Variants in PCDHGB6 observed in about 807,000 individuals in gnomAD.
The protein encoded by PCDHGB6 is protocadherin gamma subfamily B, 6, also known as protocadherin gamma-B6.
PCDHGB6 carries 51 observed loss-of-function variants against 59.1 expected under a neutral mutation model. The observed-to-expected ratio is 0.86, with a 90% confidence interval of 0.69 to 1.09. The LOEUF is 1.09. PCDHGB6 is among the 50% of genes least tolerant of loss of function. PCDHGB6 has a pLI of 0.00. For missense variants in PCDHGB6, 1,148 were observed against 1,205.1 expected, an observed-to-expected ratio of 0.95 and a Z score of 0.70; for synonymous variants, 466 against 495.1, an observed-to-expected ratio of 0.94 and a Z score of 0.78.
Position 141,485,060 on chromosome 5 carries a change from G to T in PCDHGB6, c.2419-9747G>T. The T allele has an allele frequency of 1.2e-6, 1 of 862,304 alleles. No individual in the cohort carries two copies. 53.4% of individuals were successfully genotyped at this position (862,304 alleles called of 1,614,324 possible). ...ACCCTTGCGGCGCCGGCCGAACCGC[G>T]CCAGAGCTGGCGCGGGGAAAGGGAG... On this transcript the variant is annotated intron_variant, in intron 1 of 3. Coordinates refer to ENST00000520790, the MANE Select transcript of PCDHGB6 (RefSeq NM_018926.3). The surrounding 1 kb of genome is among the most constrained non-coding windows in gnomAD (Gnocchi z 5.7).
chr5:141,417,028 GTTT>G, intron 1 of PCDHGB6: 2 of 150,056 alleles, frequency 1.3e-5, no homozygotes, highest in East Asian at 3.9e-4. Flanking sequence ...AAAAATACAG[GTTT>G]TTTTTTTAAA....
At position 141,431,468 on chromosome 5, in the gene PCDHGB6, G is replaced by A. The variant is rs756718016; in HGVS notation, c.2418+20848G>A. ...CCGCGTGATGGTTCTGGATGCGAAC[G>A]ACAACGCACCAGCGTTTGCTCAGCC... On this transcript the variant is annotated intron_variant, in intron 1 of 3. Transcript: ENST00000520790. This position sits in a 1 kb window ranked among gnomAD's most constrained non-coding sequence, Gnocchi z 4.8. The A allele has an allele frequency of 3.7e-6, 6 of 1,613,804 alleles. No homozygotes were observed. In the Admixed American group the frequency reaches 8.3e-5, roughly 22 times the overall value.
chr5:141,413,390 C>G, intron 1 of PCDHGB6: 1 of 1,614,010 alleles, frequency 6.2e-7, no homozygotes, highest in Non-Finnish European at 8.5e-7. Context: ...CGCATAGTCT[C>G]CAGAGGTAGG....
In PCDHGB6 at chr5:141,512,517, A is replaced by G. The variant is rs985434754; in HGVS notation, c.*1344A>G. ...GTCCCCAGTGCGCCCCCTAGTGGCC[A>G]TAGCCTGGTTAAAGTTCCCCAGTGC... On this transcript the variant is annotated 3_prime_UTR_variant, in exon 4 of 4. Coordinates refer to ENST00000520790, the MANE Select transcript of PCDHGB6 (RefSeq NM_018926.3). 3 of 152,938 alleles carry G rather than the reference A, an allele frequency of 2.0e-5. No individual in the cohort carries two copies. Among genetic ancestry groups the G allele is most frequent in the African/African-American group, 7.2e-5 (3 of 41,464 alleles). 9.5% of individuals were successfully genotyped at this position (152,938 alleles called of 1,614,324 possible).
intron 1 of PCDHGB6, chr5:141,429,155 G>A (rs115622025): frequency 0.044 from 6,389 of 145,752 alleles, 216 homozygotes; most frequent in African/African-American, 0.099. Flanking sequence ...CACCCGGCCC[G>A]GAGACATTGT....
In PCDHGB6 at chr5:141,477,854, C is replaced by G; in HGVS notation, c.2419-16953C>G. 3.1e-6 allele frequency: 5 copies of G among 1,614,098 alleles called. No individual in the cohort carries two copies. Among genetic ancestry groups the G allele is most frequent in the Non-Finnish European group, 4.2e-6 (5 of 1,180,004 alleles). ...GCCAGGTGGGAGCTCGGTGGAGATG[C>G]TGCCTCGAGGTACCTCAGCTGGCCA... On this transcript the variant is annotated intron_variant, in intron 1 of 3. Transcript: ENST00000520790. This position sits in a 1 kb window ranked among gnomAD's most constrained non-coding sequence, Gnocchi z 4.9.
At chr5:141,444,659 C>G (rs2098443878) in intron 1 of PCDHGB6, among the ~76,000 whole-genome samples, 1 of 152,032 alleles carries the variant, frequency 6.6e-6, no homozygotes, top group African/African-American at 2.4e-5. Context: ...GAAGTTATTT[C>G]CCATTTTTTT....
rs2095194600 is a variant in PCDHGB6 at position 141,408,919 on chromosome 5, C to T, written c.717C>T (p.Pro239=). Residue 239 remains proline (P), a synonymous_variant, in exon 1 of 4, where the codon CCC becomes CCT. Transcript: ENST00000520790. ...EISVKDTNDN[P]PVFSRDEYRI... is the part of the protein sequence containing the mutation. The stretch of plus-strand genomic sequence containing the variant: ...CTGTCAAGGATACCAATGATAACCC[C>T]CCGGTTTTCAGCAGAGACGAATATA... 2.5e-6 allele frequency: 4 copies of T among 1,613,346 alleles called. No individual in the cohort carries two copies. The African/African-American group carries it at 4.0e-5, about 16-fold the overall frequency.
chr5:141,421,831 G>C lies in PCDHGB6; in HGVS notation c.2418+11211G>C, dbSNP rs201283981. ...AGAGCTAGTACTGGAGGGAAGCCTG[G>C]ACCGAGAGAAAGAGGCTGCTCACCT... On this transcript the variant is annotated intron_variant, in intron 1 of 3. Transcript: ENST00000520790. 68 of 1,613,784 alleles carry C rather than the reference G, an allele frequency of 4.2e-5. 1 individual carries two copies. The East Asian group carries it at 1.4e-3, about 33-fold the overall frequency.
In PCDHGB6 at chr5:141,410,104, C is replaced by G; in HGVS notation, c.1902C>G (p.Asp634Glu). The G allele has an allele frequency of 6.2e-7, 1 of 1,612,582 alleles. No homozygotes were observed. Among genetic ancestry groups the G allele is most frequent in the Non-Finnish European group, 8.5e-7 (1 of 1,179,646 alleles). The change falls in exon 1 of 4, where the codon GAC (aspartate) becomes GAG (glutamate). Residue 634 changes from aspartate to glutamate, a missense_variant. By Grantham distance (45) the Asp-to-Glu change is conservative. This residue lies in a region of PCDHGB6 where 549 missense variants were observed against 527.5 expected (regional missense o/e 1.04). Transcript: ENST00000520790. ...TGCGCACGGCTCGAGCCTTAGGCGA[C>G]AGGGACGCAGCCCGCCAGCGCCTGC... is the stretch of plus-strand genomic sequence containing the variant. Reference protein sequence around the residue: ...GEVRTARALGDRDAARQRLLV... With the variant: ...GEVRTARALGERDAARQRLLV...
rs918375556 is a variant in PCDHGB6, at chr5:141,489,318, G to C, written c.2419-5489G>C. 6.3e-7 allele frequency: 1 copy of C among 1,598,974 alleles called. No individual in the cohort carries two copies. Among genetic ancestry groups the C allele is most frequent in the African/African-American group, 1.3e-5 (1 of 74,510 alleles). On this transcript the variant is annotated intron_variant, in intron 1 of 3. Coordinates refer to ENST00000520790, the MANE Select transcript of PCDHGB6 (RefSeq NM_018926.3). The surrounding 1 kb of genome is among the most constrained non-coding windows in gnomAD (Gnocchi z 4.5). ...TGTTGTCCTTGTGCTGCTGGGGCTG[G>C]GTGTCTGGGCAGCTTCGTTACTCAG...
chr5:141,481,181 G>C (rs1364223040), intron 1 of PCDHGB6, among the ~76,000 whole-genome samples: 1 of 152,154 alleles, frequency 6.6e-6, no homozygotes, highest in Non-Finnish European at 1.5e-5. Context: ...CAGCTTTATT[G>C]GGCCAGGCCC....
At chr5:141,473,966 G>A (rs1268822103) in intron 1 of PCDHGB6, among the ~76,000 whole-genome samples, 3 of 152,174 alleles carry the variant, frequency 2.0e-5, no homozygotes, top group Non-Finnish European at 4.4e-5. Context: ...CTACTTAGAA[G>A]TCTGAGGCGG....
chr5:141,494,790 C>A lies in PCDHGB6; in HGVS notation c.2419-17C>A, dbSNP rs909145. 17 of 1,614,014 alleles carry A rather than the reference C, an allele frequency of 1.1e-5. 1 individual carries two copies. The South Asian group carries it at 1.9e-4, about 18-fold the overall frequency. ...TCTCACGGGTACTCAGCCCCTTTCC[C>A]TCTGTTTTCTCCACAGCAAGCCCCG... On this transcript the variant is annotated splice_polypyrimidine_tract_variant and intron_variant, in intron 1 of 3. Transcript: ENST00000520790.
Position 141,487,767 on chromosome 5 carries a change from T to G in PCDHGB6, c.2419-7040T>G, listed in dbSNP as rs2099665569. The G allele has an allele frequency of 5.2e-6, 8 of 1,538,298 alleles. No homozygotes were observed. The African/African-American group carries it at 9.6e-5, about 18-fold the overall frequency. On this transcript the variant is annotated intron_variant, in intron 1 of 3. Transcript: ENST00000520790. This position sits in a 1 kb window ranked among gnomAD's most constrained non-coding sequence, Gnocchi z 5.0. ...GGTAACTATGTGGTAGACGCTGTGC[T>G]TTGTAACTGTTTCGTGAATTAACCA... is the stretch of plus-strand genomic sequence containing the variant.
intron 1 of PCDHGB6, chr5:141,423,945 A>T (rs931771609): frequency 4.1e-6 from 5 of 1,207,688 alleles, no homozygotes; most frequent in Non-Finnish European, 4.1e-6. Context: ...AGTAAGTTGA[A>T]TTTTAGTATT....
chr5:141,494,923 G>A lies in PCDHGB6; in HGVS notation c.2477+58G>A, dbSNP rs572227346. Reference sequence around the variant, plus strand: ...TCTGCGGCATTTTCTCAGGGATGACGTGGGAGGAGATGGGGGAGGGCCCAG... The same window carrying A: ...TCTGCGGCATTTTCTCAGGGATGACATGGGAGGAGATGGGGGAGGGCCCAG... On this transcript the variant is annotated intron_variant, in intron 2 of 3. Coordinates refer to ENST00000520790, the MANE Select transcript of PCDHGB6 (RefSeq NM_018926.3). The A allele has an allele frequency of 8.9e-5, 143 of 1,613,698 alleles. 1 individual carries two copies. In the Middle Eastern group the frequency reaches 1.8e-3, roughly 20 times the overall value.
intron 3 of PCDHGB6, among the ~76,000 whole-genome samples, chr5:141,509,722 C>A (rs919655821): frequency 5.9e-5 from 9 of 152,140 alleles, no homozygotes; most frequent in African/African-American, 2.2e-4. Flanking sequence ...CTGATGTCAC[C>A]TAGCTGTGGC....
Position 141,490,271 on chromosome 5 carries a change from A to G in PCDHGB6, c.2419-4536A>G, listed in dbSNP as rs750463186. 6.8e-6 allele frequency: 11 copies of G among 1,614,246 alleles called. No homozygotes were observed. Among genetic ancestry groups the G allele is most frequent in the Non-Finnish European group, 8.5e-6 (10 of 1,180,054 alleles). On this transcript the variant is annotated intron_variant, in intron 1 of 3. Coordinates refer to ENST00000520790, the MANE Select transcript of PCDHGB6 (RefSeq NM_018926.3). The surrounding 1 kb of genome is among the most constrained non-coding windows in gnomAD (Gnocchi z 5.4). The stretch of plus-strand genomic sequence containing the variant: ...ATTCAAGTGGATGTGGGGGATGTCA[A>G]TGACAATGCCCCAGAGGTGCTATTG...
Sources: allele counts gnomAD v4.1 joint callset (sites outside exome capture counted in the v4.1 genomes callset), GRCh38; gene constraint gnomAD v4.1.1; regional missense constraint gnomAD v4.1.1; non-coding constraint Gnocchi (gnomAD v3.1); transcripts MANE v1.5; gene names NCBI Gene and HGNC (gene_info 2026-07-23, HGNC 2026-07-21).